The following FCN1 variants were observed in gnomAD, a reference collection of about 807,000 sequenced individuals.
The protein encoded by FCN1 is ficolin 1.
A neutral mutation model predicts 35.6 loss-of-function variants in FCN1; 42 were observed. The ratio of observed to expected loss-of-function variants is 1.18; its 90% CI spans 0.92 to 1.53. The LOEUF is 1.53. Among genes scored for constraint, FCN1 ranks in the 40% most tolerant of loss-of-function variants. FCN1 has a pLI of 0.00. For missense variants in FCN1, 439 were observed against 428.4 expected, an observed-to-expected ratio of 1.02 and a Z score of -0.22; for synonymous variants, 179 against 169.8, an observed-to-expected ratio of 1.05 and a Z score of -0.42.
chr9:134,915,323 C>A (rs188008865), intron 2 of FCN1, among the ~76,000 whole-genome samples: 4 of 152,184 alleles, frequency 2.6e-5, no homozygotes, highest in African/African-American at 7.2e-5. Context: ...AAAGGTGACC[C>A]TCCCGTCCCC....
At position 134,904,353 on chromosome 9, in the gene FCN1, ACAGTG is replaced by A. The variant is rs1449224556; in HGVS notation, c.*5440_*5444del. Among the ~76,000 whole-genome samples, 2 of 152,254 alleles carry A rather than the reference ACAGTG, an allele frequency of 1.3e-5. No individual in the cohort carries two copies. The highest frequency in any genetic ancestry group is 2.1e-4 in the South Asian group (1 of 4,838). Reference sequence around the variant, plus strand: ...CTGAAAATACTGGACATCTGTATTTACAGTGCTAAAAGAAACTAATTGGCAATATA... The same window carrying A: ...CTGAAAATACTGGACATCTGTATTTACTAAAAGAAACTAATTGGCAATATA... On this transcript the variant is annotated 3_prime_UTR_variant, in exon 9 of 9. Coordinates refer to ENST00000371806, the MANE Select transcript of FCN1 (RefSeq NM_002003.5).
chr9:134,912,033 C>T (rs1035641859), intron 7 of FCN1, among the ~76,000 whole-genome samples: 2 of 140,366 alleles, frequency 1.4e-5, no homozygotes, highest in African/African-American at 5.0e-5. Context: ...AGCTGTGAAA[C>T]TCATCCCCTG....
At chr9:134,916,835 A>C (rs1831098659) in intron 1 of FCN1, among the ~76,000 whole-genome samples, 1 of 152,244 alleles carries the variant, frequency 6.6e-6, no homozygotes, top group Admixed American at 6.5e-5. Flanking sequence ...AATGACAATC[A>C]ATATTTCTAA....
chr9:134,910,154 T>G (rs1365968608), intron 8 of FCN1, 109 bp from the exon 9 acceptor site: 1 of 1,035,706 alleles, frequency 9.7e-7, no homozygotes, highest in South Asian at 1.4e-5. Context: ...TAGCGACGCA[T>G]GAGCCGAGCT....
rs138309819 is a variant in FCN1 at position 134,912,576 on chromosome 9, G to A, written c.508C>T (p.Arg170Trp). The part of the protein sequence containing the change: ...RRMDGSVDFY[R>W]DWAAYKQGFG... ...CCCTGCTTGTATGCGGCCCAGTCCC[G>A]ATAGAAGTCCACAGAGCCATCCATC... is the stretch of plus-strand genomic sequence containing the variant. The change falls in exon 7 of 9, where the codon CGG (arginine) becomes TGG (tryptophan). Residue 170 changes from arginine (R) to tryptophan (W), a missense_variant. By Grantham distance (101) the Arg-to-Trp change is moderately radical. Transcript: ENST00000371806. 9.3e-6 allele frequency: 15 copies of A among 1,614,016 alleles called. No individual in the cohort carries two copies. Among genetic ancestry groups the A allele is most frequent in the African/African-American group, 4.0e-5 (3 of 74,936 alleles).
rs1328971354 is a variant in FCN1, at chr9:134,905,895, T to TCTC, written c.*3902_*3903insGAG. ...TTCTTCTTCTTCTTCTTCTTCTTCT[T>TCTC]CTTCTTCTTCTTCTTCTTCTTCTTC... On this transcript the variant is annotated 3_prime_UTR_variant, in exon 9 of 9. Coordinates refer to ENST00000371806, the MANE Select transcript of FCN1 (RefSeq NM_002003.5). 6.9e-4 allele frequency: 71 copies of TCTC among 103,104 alleles called. No individual in the cohort carries two copies. In the Middle Eastern group the frequency reaches 0.013, roughly 18 times the overall value. The allele number at this position is 103,104 out of a possible 1,614,324, so 6.4% of individuals were successfully genotyped here. A position where few individuals can be genotyped will look rare whatever the true frequency, so the allele number is the denominator to read the frequency against.
chr9:134,916,302 C>T, intron 2 of FCN1, 46 bp downstream of exon 2: 1 of 1,392,878 alleles, frequency 7.2e-7, no homozygotes, highest in Non-Finnish European at 1.0e-6. Flanking sequence ...AGAGCAAGAG[C>T]CAGTGCCCCT....
intron 2 of FCN1, among the ~76,000 whole-genome samples, chr9:134,915,699 T>A (rs2118943357): frequency 6.6e-6 from 1 of 152,322 alleles, no homozygotes; most frequent in East Asian, 1.9e-4. Flanking sequence ...GCAGGCATCA[T>A]CTTGAATGCG....
intron 8 of FCN1, among the ~76,000 whole-genome samples, chr9:134,910,272 A>C (rs1831006706): frequency 6.6e-6 from 1 of 152,092 alleles, no homozygotes; most frequent in African/African-American, 2.4e-5. Flanking sequence ...CCCCTGCTCC[A>C]GCAACCACCT....
At position 134,917,847 on chromosome 9, in the gene FCN1, C is replaced by G. The variant is rs759227452; in HGVS notation, c.25G>C (p.Ala9Pro). 1.9e-6 allele frequency: 3 copies of G among 1,613,676 alleles called. No homozygotes were observed. The highest frequency in any genetic ancestry group is 2.5e-6 in the Non-Finnish European group (3 of 1,179,678). Residue 9 changes from alanine to proline, a missense_variant, in exon 1 of 9, where the codon GCC (alanine) becomes CCC (proline). Coordinates refer to ENST00000371806, the MANE Select transcript of FCN1 (RefSeq NM_002003.5). MELSGATM[A>P]RGLAVLLVLF... ...ACTAGCAGGACAGCGAGCCCCCGGG[C>G]CATGGTGGCTCCACTCAGCTCCATG... is the stretch of plus-strand genomic sequence containing the variant.
chr9:134,905,922 T>TCTTCTC lies in FCN1; in HGVS notation c.*3875_*3876insGAGAAG, dbSNP rs1830951341. 3 of 95,634 alleles carry TCTTCTC rather than the reference T, an allele frequency of 3.1e-5. No individual in the cohort carries two copies. The highest frequency in any genetic ancestry group is 5.8e-5 in the Non-Finnish European group (3 of 51,404). The allele number at this position is 95,634 out of a possible 1,614,324, so 5.9% of individuals were successfully genotyped here. On this transcript the variant is annotated 3_prime_UTR_variant, in exon 9 of 9. Transcript: ENST00000371806. The stretch of plus-strand genomic sequence containing the variant: ...TTCTTCTTCTTCTTCTTCTTCTTCT[T>TCTTCTC]CTCCCTCTCCCTCTCCCTCTCCCTC...
intron 6 of FCN1, 150 bp downstream of exon 6, chr9:134,912,866 T>C: frequency 7.2e-7 from 1 of 1,381,722 alleles, no homozygotes; most frequent in South Asian, 1.4e-5. Context: ...CCCGATGGCC[T>C]GGACTTTTAC....
At chr9:134,917,224 A>G (rs1020718801) in intron 1 of FCN1, among the ~76,000 whole-genome samples, 2 of 152,162 alleles carry the variant, frequency 1.3e-5, no homozygotes, top group African/African-American at 4.8e-5. Context: ...TAAATATGTT[A>G]TCAGCCAGGG....
At position 134,903,427 on chromosome 9, in the gene FCN1, T is replaced by C. The variant is rs1223979308; in HGVS notation, c.*6371A>G. Reference sequence around the variant, plus strand: ...TATTAAGTTTGTTCTCTGACCCTGATAGAGGTAAGCCAGAAATCAAGAACA... The same window carrying C: ...TATTAAGTTTGTTCTCTGACCCTGACAGAGGTAAGCCAGAAATCAAGAACA... On this transcript the variant is annotated 3_prime_UTR_variant, in exon 9 of 9. Coordinates refer to ENST00000371806, the MANE Select transcript of FCN1 (RefSeq NM_002003.5). 6.6e-6 allele frequency among the ~76,000 whole-genome samples: 1 copy of C among 152,132 alleles called. No individual in the cohort carries two copies. Among genetic ancestry groups the C allele is most frequent in the African/African-American group, 2.4e-5 (1 of 41,430 alleles).
chr9:134,908,759 C>A lies in FCN1; in HGVS notation c.*1039G>T. The stretch of plus-strand genomic sequence containing the variant: ...CACTGCTGAGTCCTGCCTGCTGGCC[C>A]AGTAAGGCCCAGGGACTCCAGATCT... On this transcript the variant is annotated 3_prime_UTR_variant, in exon 9 of 9. Coordinates refer to ENST00000371806, the MANE Select transcript of FCN1 (RefSeq NM_002003.5). 1 of 168,668 alleles carries A rather than the reference C, an allele frequency of 5.9e-6. No individual in the cohort carries two copies. The highest frequency in any genetic ancestry group is 1.3e-5 in the Non-Finnish European group (1 of 78,050). The allele number at this position is 168,668 out of a possible 1,614,324, so 10.4% of individuals were successfully genotyped here.
At position 134,914,393 on chromosome 9, in the gene FCN1, C is replaced by T. The variant is rs1442110408; in HGVS notation, c.299G>A (p.Gly100Glu). The T allele has an allele frequency of 6.2e-7, 1 of 1,614,138 alleles. No individual in the cohort carries two copies. Among genetic ancestry groups the T allele is most frequent in the Non-Finnish European group, 8.5e-7 (1 of 1,179,982 alleles). The change falls in exon 4 of 9, where the codon GGA becomes GAA. Residue 100 changes from glycine (G) to glutamate (E), a missense_variant. By Grantham distance (98) the Gly-to-Glu change is moderately conservative. Coordinates refer to ENST00000371806, the MANE Select transcript of FCN1 (RefSeq NM_002003.5). ...KGDRGEKGMR[G>E]EKGDAGQSQS... is the part of the protein sequence containing the mutation. ...GCCCACGGGTGGCTCACCTTTCTCTCCACGCATCCCCTTCTCTCCTCGGTC... is the reference window on the plus strand; with the variant it reads ...GCCCACGGGTGGCTCACCTTTCTCTTCACGCATCCCCTTCTCTCCTCGGTC...
rs1830946607 is a variant in FCN1 at position 134,905,880 on chromosome 9, T to TCTTCTTCTTCTTCTTCTTCTTCTG, written c.*3917_*3918insCAGAAGAAGAAGAAGAAGAAGAAG. Reference sequence around the variant, plus strand: ...TTCCTCTTCCTCTTCTTCTTCTTCTTCTTCTTCTTCTTCTTCTTCTTCTTC... The same window carrying TCTTCTTCTTCTTCTTCTTCTTCTG: ...TTCCTCTTCCTCTTCTTCTTCTTCTTCTTCTTCTTCTTCTTCTTCTTCTGCTTCTTCTTCTTCTTCTTCTTCTTC... On this transcript the variant is annotated 3_prime_UTR_variant, in exon 9 of 9. Transcript: ENST00000371806. The TCTTCTTCTTCTTCTTCTTCTTCTG allele has an allele frequency of 2.5e-5, 2 of 79,034 alleles. No individual in the cohort carries two copies. The highest frequency in any genetic ancestry group is 2.1e-4 in the Admixed American group (2 of 9,322). 4.9% of individuals were successfully genotyped at this position (79,034 alleles called of 1,614,324 possible).
At position 134,913,249 on chromosome 9, in the gene FCN1, C is replaced by A. The variant is rs150901523; in HGVS notation, c.341-106G>T. 6 of 1,459,432 alleles carry A rather than the reference C, an allele frequency of 4.1e-6. No homozygotes were observed. In the African/African-American group the frequency reaches 4.2e-5, roughly 10 times the overall value. The allele number at this position is 1,459,432 out of a possible 1,614,324, so 90.4% of individuals were successfully genotyped here. ...AGGAGGAGGGCCACAGGCTTCTGTG[C>A]GGACCGAGCAGGACTCCGAGGCCTG... On this transcript the variant is annotated intron_variant, in intron 5 of 8. Transcript: ENST00000371806.
intron 7 of FCN1, among the ~76,000 whole-genome samples, chr9:134,911,967 C>T (rs906437207): frequency 8.5e-5 from 13 of 152,184 alleles, no homozygotes; most frequent in Non-Finnish European, 1.6e-4. Context: ...TCAATCATGC[C>T]ACAGGGCAGT....
Sources: allele counts gnomAD v4.1 joint callset (sites outside exome capture counted in the v4.1 genomes callset), GRCh38; gene constraint gnomAD v4.1.1; transcripts MANE v1.5; gene names NCBI Gene and HGNC (gene_info 2026-07-23, HGNC 2026-07-21).